Variants in ANKS1B observed in about 807,000 individuals in gnomAD.
ANKS1B encodes the protein ankyrin repeat and sterile alpha motif domain containing 1B, also known as ankyrin repeat and sterile alpha motif domain-containing protein 1B.
In ANKS1B, 36 loss-of-function variants were observed where a neutral mutation model predicts 148.3. That is an observed-to-expected ratio of 0.24 (90% CI 0.19 to 0.32). ANKS1B has a LOEUF of 0.32. ANKS1B is among the 10% of genes least tolerant of loss of function. The pLI is 1.00. For synonymous variants in ANKS1B, 542 were observed against 560.8 expected, an observed-to-expected ratio of 0.97 and a Z score of 0.47; for missense variants, 1,157 against 1,542.6, an observed-to-expected ratio of 0.75 and a Z score of 4.19.
intron 1 of ANKS1B, among the ~76,000 whole-genome samples, chr12:99,936,152 G>C (rs2094763178): frequency 6.6e-6 from 1 of 152,108 alleles, no homozygotes; most frequent in African/African-American, 2.4e-5. Flanking sequence ...GGATTATGAG[G>C]ATTACAATCC....
chr12:99,341,974 AT>A (rs1186444136), intron 12 of ANKS1B, among the ~76,000 whole-genome samples: 1 of 152,064 alleles, frequency 6.6e-6, no homozygotes, highest in African/African-American at 2.4e-5. Flanking sequence ...TTCAGTAAGT[AT>A]TTTTCAGTAT....
intron 1 of ANKS1B, among the ~76,000 whole-genome samples, chr12:99,842,295 T>G (rs773350974): frequency 6.6e-6 from 1 of 152,172 alleles, no homozygotes; most frequent in Non-Finnish European, 1.5e-5. Context: ...CACATTATAG[T>G]CAGAAAAGAA....
At chr12:99,486,056 T>C (rs2096484519) in intron 10 of ANKS1B, among the ~76,000 whole-genome samples, 1 of 152,168 alleles carries the variant, frequency 6.6e-6, no homozygotes, top group Non-Finnish European at 1.5e-5. Flanking sequence ...TTTGGATCCA[T>C]TGCTGGAGAG....
Position 99,908,073 on chromosome 12 carries a change from T to C in ANKS1B, c.134+76031A>G, listed in dbSNP as rs1432339918. Among the ~76,000 whole-genome samples the C allele has an allele frequency of 3.9e-5, 6 of 152,192 alleles. No individual in the cohort carries two copies. In the East Asian group the frequency reaches 5.8e-4, roughly 15 times the overall value. ...TAAGTGGGAACATAGCAAATAGACA[T>C]AGAATTATAACCCTAAGAGTTGAAA... On this transcript the variant is annotated intron_variant, in intron 1 of 26. Coordinates refer to ENST00000683438, the MANE Select transcript of ANKS1B (RefSeq NM_001352186.2).
At chr12:99,162,914 C>T (rs551365779) in intron 14 of ANKS1B, among the ~76,000 whole-genome samples, 67 of 151,978 alleles carry the variant, frequency 4.4e-4, no homozygotes, top group African/African-American at 9.9e-4. Context: ...AAAAATTAGC[C>T]GGACATGGTG....
At chr12:99,273,198 C>A (rs2077243439) in intron 12 of ANKS1B, among the ~76,000 whole-genome samples, 1 of 152,122 alleles carries the variant, frequency 6.6e-6, no homozygotes, top group Non-Finnish European at 1.5e-5. Context: ...TCTGAATGAT[C>A]CTACTTTTCA....
chr12:99,706,669 C>T (rs1000278684), intron 8 of ANKS1B: 2 of 152,074 alleles, frequency 1.3e-5, no homozygotes, highest in Non-Finnish European at 2.9e-5. Context: ...CATGTTAATT[C>T]CATAGTTATG....
intron 8 of ANKS1B, among the ~76,000 whole-genome samples, chr12:99,741,225 A>ACACACACACACACC (rs2060076233): frequency 6.6e-6 from 1 of 151,468 alleles, no homozygotes; most frequent in Non-Finnish European, 1.5e-5. Context: ...ACACACACAC[A>ACACACACACACACC]CACACACACA....
Position 99,195,138 on chromosome 12 carries a change from G to T in ANKS1B, c.2420-40743C>A, listed in dbSNP as rs186128489. Among the ~76,000 whole-genome samples, 14 of 152,030 alleles carry T rather than the reference G, an allele frequency of 9.2e-5. No homozygotes were observed. The East Asian group carries it at 2.7e-3, about 29-fold the overall frequency. On this transcript the variant is annotated intron_variant, in intron 14 of 26. Transcript: ENST00000683438. Reference sequence around the variant, plus strand: ...TTAAATATCTTTACTATATATTATTGGTTTCCTAGTTAGCTATGCCAATAT... The same window carrying T: ...TTAAATATCTTTACTATATATTATTTGTTTCCTAGTTAGCTATGCCAATAT...
chr12:99,346,507 A>T (rs1185509282), intron 12 of ANKS1B, among the ~76,000 whole-genome samples: 2 of 151,684 alleles, frequency 1.3e-5, no homozygotes, highest in Non-Finnish European at 2.9e-5. Flanking sequence ...GAAGACCAGG[A>T]GTCATAAATG....
chr12:99,291,475 T>C (rs1031013593), intron 12 of ANKS1B, among the ~76,000 whole-genome samples: 1 of 152,126 alleles, frequency 6.6e-6, no homozygotes, highest in African/African-American at 2.4e-5. Flanking sequence ...AGGAATCACA[T>C]TACCAGACTT....
intron 9 of ANKS1B, among the ~76,000 whole-genome samples, chr12:99,540,119 C>G (rs531471261): frequency 6.6e-6 from 1 of 151,892 alleles, no homozygotes; most frequent in East Asian, 1.9e-4. Context: ...ACACAACAAG[C>G]ATAAACATAT....
intron 10 of ANKS1B, among the ~76,000 whole-genome samples, chr12:99,483,189 G>T (rs963342759): frequency 1.3e-5 from 2 of 151,394 alleles, no homozygotes; most frequent in Admixed American, 1.3e-4. Context: ...TGCCTCATTT[G>T]TTGAGAGTTT....
intron 8 of ANKS1B, among the ~76,000 whole-genome samples, chr12:99,672,058 T>C (rs901169350): frequency 6.6e-6 from 1 of 152,124 alleles, no homozygotes; most frequent in African/African-American, 2.4e-5. Context: ...AACATGGCAA[T>C]ATCCTTCAAC....
intron 17 of ANKS1B, among the ~76,000 whole-genome samples, chr12:98,881,500 T>C (rs2099708028): frequency 1.3e-5 from 2 of 152,178 alleles, no homozygotes; most frequent in Non-Finnish European, 2.9e-5. Flanking sequence ...TAATAACTCA[T>C]CTTTGTGCCT....
intron 1 of ANKS1B, among the ~76,000 whole-genome samples, chr12:99,914,243 G>C (rs1158972145): frequency 6.6e-6 from 1 of 152,210 alleles, no homozygotes; most frequent in Non-Finnish European, 1.5e-5. Flanking sequence ...TGCATTACTT[G>C]CTGGTCAGAG....
Position 98,880,268 on chromosome 12 carries a change from AAT to A in ANKS1B, c.2779-48134_2779-48133del, listed in dbSNP as rs1423699690. On this transcript the variant is annotated intron_variant, in intron 17 of 26. Transcript: ENST00000683438. ...AGGCTCAGGTATCAAGAGGAAAACA[AAT>A]ATTCATTAAAATAATTTAGCAACAA... Among the ~76,000 whole-genome samples the A allele has an allele frequency of 7.9e-5, 12 of 152,338 alleles. 1 individual carries two copies. Among genetic ancestry groups the A allele is most frequent in the African/African-American group, 2.6e-4 (11 of 41,560 alleles).
chr12:99,206,518 AG>A (rs1286685226), intron 14 of ANKS1B, among the ~76,000 whole-genome samples: 1 of 152,214 alleles, frequency 6.6e-6, no homozygotes, highest in African/African-American at 2.4e-5. Context: ...ATTGTTTTAC[AG>A]AAATCAAGTG....
intron 9 of ANKS1B, chr12:99,649,263 CTT>C: frequency 6.4e-7 from 1 of 1,568,318 alleles, no homozygotes; most frequent in South Asian, 1.1e-5. Flanking sequence ...GTCTCACTGT[CTT>C]TGCTTATTTG....
Sources: allele counts gnomAD v4.1 joint callset (sites outside exome capture counted in the v4.1 genomes callset), GRCh38; gene constraint gnomAD v4.1.1; transcripts MANE v1.5; gene names NCBI Gene and HGNC (gene_info 2026-07-23, HGNC 2026-07-21).